PTPN22: variants seen among roughly 807,000 people sequenced by gnomAD.
PTPN22 encodes the protein tyrosine-protein phosphatase non-receptor type 22.
Under a neutral mutation model 103.3 loss-of-function variants are expected in PTPN22, and 85 were observed. The ratio of observed to expected loss-of-function variants is 0.82; its 90% CI spans 0.69 to 0.99. PTPN22 has a LOEUF of 0.99. Among genes scored for constraint, PTPN22 ranks in the 50% least tolerant of loss-of-function variants. The pLI, the probability that PTPN22 is intolerant of heterozygous loss-of-function variation, is 0.00. For synonymous variants in PTPN22, 323 were observed against 310.2 expected (o/e 1.04, Z -0.43); for missense variants, 865 against 936.9 (o/e 0.92, Z 1.00).
At chr1:113,858,900 A>G (rs1401849373) in intron 3 of PTPN22, 102 bp downstream of exon 3, 6 of 1,482,636 alleles carry the variant, frequency 4.0e-6, no homozygotes, top group Non-Finnish European at 5.4e-6. Flanking sequence ...CAGCCTCCCA[A>G]AGTGCTGGGA....
intron 11 of PTPN22, among the ~76,000 whole-genome samples, chr1:113,846,226 GCTTT>G (rs751307887): frequency 4.6e-5 from 7 of 151,580 alleles, no homozygotes; most frequent in African/African-American, 9.7e-5. Context: ...TTTTCCTGAT[GCTTT>G]CTCTTTCCTG....
rs1237699293 is a variant in PTPN22, at chr1:113,856,528, A to C, written c.480+20T>G. On this transcript the variant is annotated intron_variant, in intron 6 of 20. Transcript: ENST00000359785. ...ACCCTGGAGGCTTTACTCAGACATG[A>C]GAACAGACATTACACTTACACAGGA... 6.2e-7 allele frequency: 1 copy of C among 1,614,228 alleles called. No homozygotes were observed. The highest frequency in any genetic ancestry group is 2.2e-5 in the East Asian group (1 of 44,890).
intron 10 of PTPN22, among the ~76,000 whole-genome samples, chr1:113,849,901 A>T (rs980583765): frequency 1.3e-5 from 2 of 151,980 alleles, no homozygotes; most frequent in Non-Finnish European, 2.9e-5. Flanking sequence ...TTTCTTTAAG[A>T]AAGAAAAATC....
exon 13 of PTPN22, chr1:113,837,775 G>A (rs752308750): frequency 6.2e-7 from 1 of 1,613,838 alleles, no homozygotes; most frequent in Admixed American, 1.7e-5. Flanking sequence ...GGTACCACTT[G>A]GAGGCCATGA....
intron 13 of PTPN22, among the ~76,000 whole-genome samples, chr1:113,835,344 G>A (rs1471551359): frequency 6.6e-6 from 1 of 151,954 alleles, no homozygotes; most frequent in Non-Finnish European, 1.5e-5. Flanking sequence ...TGGTGAAACC[G>A]TGTCTCTACT....
rs1373274289 is a variant in PTPN22, at chr1:113,838,243, CTG to C, written c.1155_1156del (p.Tyr385Ter). 1 of 1,613,990 alleles carries C rather than the reference CTG, an allele frequency of 6.2e-7. No individual in the cohort carries two copies. The highest frequency in any genetic ancestry group is 2.2e-5 in the East Asian group (1 of 44,888). On this transcript the variant is annotated stop_gained and frameshift_variant, in exon 13 of 21. Coordinates refer to ENST00000359785, the Ensembl canonical transcript of PTPN22. LOFTEE classifies it high-confidence loss of function. ...GGTTGTGTCAGCATTTTTGTCAAAA[CTG>C]TAATTTAGCTCCAGAAAGTCAAAAG...
rs1306465252 is a variant in PTPN22, at chr1:113,848,732, C to A, written c.829-106G>T. On this transcript the variant is annotated intron_variant, in intron 10 of 20. Coordinates refer to ENST00000359785, the Ensembl canonical transcript of PTPN22. ...GAACACCAATCAAATCCTAATATAG[C>A]AGACCCAAAAGGACGATCGGCATGT... 3 of 1,019,734 alleles carry A rather than the reference C, an allele frequency of 2.9e-6. No individual in the cohort carries two copies. The African/African-American group carries it at 4.8e-5, about 16-fold the overall frequency. 63.2% of individuals were successfully genotyped at this position (1,019,734 alleles called of 1,614,324 possible).
intron 13 of PTPN22, among the ~76,000 whole-genome samples, chr1:113,835,955 G>A (rs577511873): frequency 5.9e-5 from 9 of 151,396 alleles, no homozygotes; most frequent in Admixed American, 5.9e-4. Context: ...TTTTTGAGAC[G>A]GAGTCTCGCT....
Position 113,828,889 on chromosome 1 carries a change from G to T in PTPN22, c.2250+703C>A, listed in dbSNP as rs181810760. On this transcript the variant is annotated intron_variant, in intron 18 of 20. Transcript: ENST00000359785. ...GAGCTCAAGTGATCTGCCCGCCTTG[G>T]CCTCCCAAAGGCTGGGATTACAGGC... is the stretch of plus-strand genomic sequence containing the variant. Among the ~76,000 whole-genome samples the T allele has an allele frequency of 5.4e-3, 820 of 152,276 alleles. 5 individuals are homozygous for T. Among genetic ancestry groups the T allele is most frequent in the Non-Finnish European group, 0.01 (700 of 68,020 alleles).
chr1:113,858,269 G>C (rs1665247876), intron 4 of PTPN22, among the ~76,000 whole-genome samples: 1 of 152,070 alleles, frequency 6.6e-6, no homozygotes, highest in Non-Finnish European at 1.5e-5. Context: ...TGTTGCCCAG[G>C]CTGGTCTAGA....
At chr1:113,818,410 G>A (rs546104630) in intron 20 of PTPN22, among the ~76,000 whole-genome samples, 3 of 151,768 alleles carry the variant, frequency 2.0e-5, no homozygotes, top group African/African-American at 7.3e-5. Context: ...TGATCCGCCC[G>A]CCTCAGCCTC....
chr1:113,856,449 G>C lies in PTPN22; in HGVS notation c.481-8C>G. 1 of 1,607,786 alleles carries C rather than the reference G, an allele frequency of 6.2e-7. No individual in the cohort carries two copies. The highest frequency in any genetic ancestry group is 8.5e-7 in the Non-Finnish European group (1 of 1,176,992). The stretch of plus-strand genomic sequence containing the variant: ...TTTCCTTTTTTCAGCTTCCTAAAAA[G>C]AAAAAGAAGACTCAAGTATTAGTGA... On this transcript the variant is annotated splice_polypyrimidine_tract_variant and splice_region_variant and intron_variant, in intron 6 of 20. Transcript: ENST00000359785.
chr1:113,848,600 A>G, exon 11 of PTPN22: 2 of 1,613,646 alleles, frequency 1.2e-6, no homozygotes, highest in Admixed American at 1.7e-5. Context: ...GTTCTAATAC[A>G]GCATTGTAGA....
At chr1:113,867,840 C>G (rs1666242886) in intron 1 of PTPN22, among the ~76,000 whole-genome samples, 1 of 152,228 alleles carries the variant, frequency 6.6e-6, no homozygotes, top group South Asian at 2.1e-4. Context: ...ACTGCCACAT[C>G]CAATTATGAA....
chr1:113,832,344 C>G (rs12746551), intron 16 of PTPN22, among the ~76,000 whole-genome samples: 3,103 of 152,244 alleles, frequency 0.02, 47 homozygotes, highest in Middle Eastern at 0.041. Context: ...CCCGCCACCA[C>G]GCCCAGCTAA....
At chr1:113,819,680 G>T in intron 19 of PTPN22, 26 bp from the exon 20 acceptor site, 1 of 1,495,610 alleles carries the variant, frequency 6.7e-7, no homozygotes, top group South Asian at 1.2e-5. Context: ...AAAAATATAA[G>T]GGAAAGACTA....
intron 18 of PTPN22, among the ~76,000 whole-genome samples, chr1:113,828,883 G>A (rs1392468495): frequency 1.3e-5 from 2 of 152,242 alleles, no homozygotes; most frequent in Non-Finnish European, 2.9e-5. Flanking sequence ...TGATCTGCCC[G>A]CCTTGGCCTC....
chr1:113,833,440 G>A (rs1300764344), intron 15 of PTPN22, among the ~76,000 whole-genome samples: 1 of 152,160 alleles, frequency 6.6e-6, no homozygotes, highest in Non-Finnish European at 1.5e-5. Context: ...GGAAATTGAA[G>A]TTACTTCATA....
At position 113,838,199 on chromosome 1, in the gene PTPN22, C is replaced by G. The variant is rs764659259; in HGVS notation, c.1201G>C (p.Ala401Pro). Reference sequence around the variant, plus strand: ...AGAGGCTCCCCAACTATTGGAAATGCCTTTGTCTGCCATTTCATGGTTGTG... The same window carrying G: ...AGAGGCTCCCCAACTATTGGAAATGGCTTTGTCTGCCATTTCATGGTTGTG... Residue 401 changes from alanine (A) to proline (P), a missense_variant, in exon 13 of 21, where the codon GCA (alanine) becomes CCA (proline). Physicochemically the swap from Ala to Pro is conservative, Grantham distance 27. This residue lies in a region of PTPN22 where 457 missense variants were observed against 529.1 expected (regional missense o/e 0.86). Transcript: ENST00000359785. 5 of 1,614,026 alleles carry G rather than the reference C, an allele frequency of 3.1e-6. No homozygotes were observed. In the Admixed American group the frequency reaches 8.3e-5, roughly 27 times the overall value.
Sources: allele counts gnomAD v4.1 joint callset (sites outside exome capture counted in the v4.1 genomes callset), GRCh38; gene constraint gnomAD v4.1.1; regional missense constraint gnomAD v4.1.1; transcripts MANE v1.5; gene names NCBI Gene and HGNC (gene_info 2026-07-23, HGNC 2026-07-21).